Variants in AGBL3 observed in about 807,000 individuals in gnomAD.
The protein encoded by AGBL3 is AGBL carboxypeptidase 3.
AGBL3 carries 68 observed loss-of-function variants against 94.5 expected under a neutral mutation model. The ratio of observed to expected loss-of-function variants is 0.72; its 90% confidence interval spans 0.59 to 0.88. AGBL3 has a LOEUF of 0.88. Ranked by LOEUF, AGBL3 falls within the 40% of genes least tolerant of loss-of-function variation. AGBL3 has a pLI of 0.00. For missense variants in AGBL3, 934 were observed against 1,103.8 expected (o/e 0.85, Z 2.18); for synonymous variants, 354 against 370.7 (o/e 0.95, Z 0.52).
In AGBL3 at chr7:134,993,517, TC is replaced by T; in HGVS notation, c.154del (p.Arg52GlyfsTer7). The T allele has an allele frequency of 3.2e-6, 5 of 1,547,356 alleles. No individual in the cohort carries two copies. The highest frequency in any genetic ancestry group is 4.4e-6 in the Non-Finnish European group (5 of 1,145,430). On this transcript the variant is annotated frameshift_variant, in exon 4 of 17. Transcript: ENST00000436302. LOFTEE classifies it high-confidence loss of function. ...LTADSFGDPF[F>X]PRTTQILLEY... ...GCTGACTCTTTTGGTGATCCCTTCT[TC>T]CCCCGGACTACACAGATACTATTAG...
chr7:135,135,236 A>C lies in AGBL3; in HGVS notation c.2738A>C (p.Tyr913Ser). 1 of 1,530,824 alleles carries C rather than the reference A, an allele frequency of 6.5e-7. No homozygotes were observed. The highest frequency in any genetic ancestry group is 8.8e-7 in the Non-Finnish European group (1 of 1,138,396). The allele number at this position is 1,530,824 out of a possible 1,614,324, so 94.8% of individuals were successfully genotyped here. ...ANKNDGQPTL[Y>S]LKFQRES Reference sequence around the variant, plus strand: ...AAGAATGATGGACAACCCACCTTATATCTGAAGTTCCAAAGGGAGAGTTAA... The same window carrying C: ...AAGAATGATGGACAACCCACCTTATCTCTGAAGTTCCAAAGGGAGAGTTAA... The change falls in exon 17 of 17, where the codon TAT (tyrosine) becomes TCT (serine). Residue 913 changes from tyrosine (Y) to serine (S), a missense_variant. Physicochemically the swap from Tyr to Ser is moderately radical, Grantham distance 144 (BLOSUM62 -2). Coordinates refer to ENST00000436302, the MANE Select transcript of AGBL3 (RefSeq NM_178563.4).
chr7:135,012,179 T>C (rs1158871642), intron 4 of AGBL3: 1 of 152,186 alleles, frequency 6.6e-6, no homozygotes, highest in Non-Finnish European at 1.5e-5. Flanking sequence ...TTTAATTTTA[T>C]AAAGTTCAAA....
At position 135,017,092 on chromosome 7, in the gene AGBL3, G is replaced by A. The variant is rs1015526576; in HGVS notation, c.351G>A (p.Thr117=). 1.5e-5 allele frequency: 23 copies of A among 1,550,778 alleles called. No individual in the cohort carries two copies. The highest frequency in any genetic ancestry group is 8.2e-5 in the African/African-American group (6 of 72,960). ...GTCCTGAGCCAGTGTATATCCCAAC[G>A]GGCTTAGAAACGGAACCCCTTTATC... ...PSCPEPVYIP[T]GLETEPLYPD... Residue 117 remains threonine, a synonymous_variant, in exon 5 of 17, where the codon ACG becomes ACA. Transcript: ENST00000436302.
intron 16 of AGBL3, among the ~76,000 whole-genome samples, chr7:135,133,297 A>G (rs889848767): frequency 1.3e-5 from 2 of 152,228 alleles, no homozygotes; most frequent in African/African-American, 4.8e-5. Flanking sequence ...TATCTAAATG[A>G]GTGGAAAGAT....
intron 5 of AGBL3, among the ~76,000 whole-genome samples, chr7:135,024,830 G>C (rs527687095): frequency 1.2e-3 from 179 of 148,460 alleles, no homozygotes; most frequent in African/African-American, 4.1e-3. Flanking sequence ...TTCACTACAA[G>C]AATTACATAA....
At chr7:135,122,155 G>A (rs541166787) in intron 16 of AGBL3, among the ~76,000 whole-genome samples, 15 of 152,304 alleles carry the variant, frequency 9.8e-5, no homozygotes, top group African/African-American at 2.9e-4. Flanking sequence ...TGGTGGAAGG[G>A]CATCATCCAT....
At position 135,032,826 on chromosome 7, in the gene AGBL3, ATCT is replaced by A. The variant is rs530113535; in HGVS notation, c.419-11_419-9del. ...TTAGGTATACCTTGACATCTTTATGATCTTCTTCTCTCATCAGCTTACAAAGAG... is the reference window on the plus strand; with the variant it reads ...TTAGGTATACCTTGACATCTTTATGATCTTCTCTCATCAGCTTACAAAGAG... On this transcript the variant is annotated splice_polypyrimidine_tract_variant and intron_variant, in intron 5 of 16. Transcript: ENST00000436302. 1.9e-4 allele frequency: 297 copies of A among 1,537,186 alleles called. No homozygotes were observed. In the East Asian group the frequency reaches 2.5e-3, roughly 13 times the overall value.
chr7:135,066,641 G>T (rs1242994119), intron 12 of AGBL3, among the ~76,000 whole-genome samples: 2 of 152,214 alleles, frequency 1.3e-5, no homozygotes, highest in African/African-American at 4.8e-5. Flanking sequence ...TGGAAATCCA[G>T]ATGCTAAAGA....
chr7:135,063,061 G>A (rs1818975465), intron 12 of AGBL3, among the ~76,000 whole-genome samples: 1 of 152,000 alleles, frequency 6.6e-6, no homozygotes, highest in Non-Finnish European at 1.5e-5. Context: ...CTATTCAGAT[G>A]TTCTGCTTCT....
chr7:135,020,601 C>T (rs1184327317), intron 5 of AGBL3, among the ~76,000 whole-genome samples: 4 of 152,162 alleles, frequency 2.6e-5, no homozygotes, highest in Non-Finnish European at 5.9e-5. Context: ...TATAAAGATA[C>T]ATGCACACAT....
chr7:135,048,255 A>C (rs1216536750), intron 11 of AGBL3, among the ~76,000 whole-genome samples: 3 of 151,876 alleles, frequency 2.0e-5, no homozygotes, highest in African/African-American at 7.2e-5. Context: ...GTAGCTTTGT[A>C]ATATTAATTT....
chr7:135,069,712 A>G (rs897175713), intron 12 of AGBL3, among the ~76,000 whole-genome samples: 2 of 152,228 alleles, frequency 1.3e-5, no homozygotes, highest in African/African-American at 4.8e-5. Context: ...TCTCTGGGAC[A>G]TATTCAAAGC....
At chr7:135,079,558 C>G (rs952235942) in intron 13 of AGBL3, among the ~76,000 whole-genome samples, 1 of 151,720 alleles carries the variant, frequency 6.6e-6, no homozygotes, top group Admixed American at 6.6e-5. Context: ...CTCTGCCTCC[C>G]GGGTTTAAGC....
chr7:135,062,535 T>A (rs1194258007), intron 12 of AGBL3, among the ~76,000 whole-genome samples: 1 of 138,886 alleles, frequency 7.2e-6, no homozygotes, highest in Non-Finnish European at 1.6e-5. Flanking sequence ...GGTACATGCA[T>A]TTTATACCTT....
At chr7:135,100,671 T>C (rs1585115150) in intron 15 of AGBL3, among the ~76,000 whole-genome samples, 2 of 152,382 alleles carry the variant, frequency 1.3e-5, no homozygotes, top group African/African-American at 4.8e-5. Context: ...TCTTTGGGCC[T>C]ACTTTCACTT....
intron 15 of AGBL3, among the ~76,000 whole-genome samples, chr7:135,096,554 A>AGATAGAT (rs1563259836): frequency 2.6e-4 from 6 of 22,662 alleles, no homozygotes; most frequent in Middle Eastern, 0.026. Context: ...GAAAGAAAGA[A>AGATAGAT]AGAAAGATAG....
At chr7:135,126,828 G>A (rs1390791074) in intron 16 of AGBL3, among the ~76,000 whole-genome samples, 1 of 152,170 alleles carries the variant, frequency 6.6e-6, no homozygotes, top group Non-Finnish European at 1.5e-5. Flanking sequence ...GCAGAAAACT[G>A]AAACTGGACC....
intron 13 of AGBL3, among the ~76,000 whole-genome samples, chr7:135,077,390 C>T (rs192379564): frequency 6.6e-6 from 1 of 152,238 alleles, no homozygotes; most frequent in East Asian, 1.9e-4. Context: ...CTCCCCTCCA[C>T]CTACAGTTCA....
rs201141835 is a variant in AGBL3 at position 135,133,215 on chromosome 7, C to CA, written c.2343-1618dup. Among the ~76,000 whole-genome samples the CA allele has an allele frequency of 4.1e-4, 62 of 151,662 alleles. No homozygotes were observed. The East Asian group carries it at 7.4e-3, about 18-fold the overall frequency. On this transcript the variant is annotated intron_variant, in intron 16 of 16. Transcript: ENST00000436302. ...TGAACACCAAAATTACAAAATATCTCAAAAAAAATACTTGGTTTTACAGGG... is the reference window on the plus strand; with the variant it reads ...TGAACACCAAAATTACAAAATATCTCAAAAAAAAATACTTGGTTTTACAGGG...
Sources: allele counts gnomAD v4.1 joint callset (sites outside exome capture counted in the v4.1 genomes callset), GRCh38; gene constraint gnomAD v4.1.1; transcripts MANE v1.5; gene names NCBI Gene and HGNC (gene_info 2026-07-23, HGNC 2026-07-21).